NRK: variants seen among roughly 807,000 people sequenced by gnomAD.
NRK encodes Nik related kinase.
In NRK, 67 loss-of-function variants were observed where a neutral mutation model predicts 125.2. That is an observed-to-expected ratio of 0.54 (90% CI 0.44 to 0.66). NRK has a LOEUF of 0.66. Ranked by LOEUF, NRK falls within the 30% of genes least tolerant of loss-of-function variation. NRK has a pLI of 0.00. For missense variants in NRK, 1,224 were observed against 1,192.9 expected (o/e 1.03, Z -0.38); for synonymous variants, 458 against 429.0 (o/e 1.07, Z -0.84).
chrX:105,953,191 C>T lies in NRK; in HGVS notation c.4653+18C>T, dbSNP rs371401417. 8.4e-6 allele frequency: 9 copies of T among 1,069,546 alleles called. No individual in the cohort carries two copies. The highest frequency in any genetic ancestry group is 1.1e-5 in the Non-Finnish European group (9 of 811,242). The allele number at this position is 1,069,546 out of a possible 1,213,427, so 88.1% of individuals were successfully genotyped here. A position where few individuals can be genotyped will look rare whatever the true frequency, so the allele number is the denominator to read the frequency against. On this transcript the variant is annotated intron_variant, in intron 28 of 28. Transcript: ENST00000243300. ...GTGACAAGGTATAGCTTACACCCTC[C>T]AGTTACAGCAAAAATAACGCAACCA...
At position 105,909,049 on chromosome X, in the gene NRK, C is replaced by T. The variant is rs767323819; in HGVS notation, c.1408C>T (p.Arg470Ter). The change falls in exon 13 of 29, where the codon CGA becomes TGA. Residue 470 changes from arginine to a stop codon, truncating the protein, a stop_gained. Transcript: ENST00000243300. LOFTEE classifies it high-confidence loss of function. ...PLQMQIKAPP[R>*]LRRAARVLMP... ...ACAAATGCAGATTAAGGCACCTCCA[C>T]GACTACGGAGGGCAGCCAGGGTGCT... is the stretch of plus-strand genomic sequence containing the variant. 4.1e-6 allele frequency: 5 copies of T among 1,208,948 alleles called. No homozygotes were observed. The highest frequency in any genetic ancestry group is 3.0e-5 in the East Asian group (1 of 33,650).
chrX:105,905,380 C>T lies in NRK; in HGVS notation c.845+37C>T, dbSNP rs188353836. ...TGTCTTAATCTCCTAATTACATTGA[C>T]TTGACATTTTTATGTTAGCAAAGAA... On this transcript the variant is annotated intron_variant, in intron 10 of 28. Transcript: ENST00000243300. 3.1e-4 allele frequency: 304 copies of T among 988,577 alleles called. No homozygotes were observed. In the African/African-American group the frequency reaches 5.2e-3, roughly 17 times the overall value. The allele number at this position is 988,577 out of a possible 1,213,427, so 81.5% of individuals were successfully genotyped here.
intron 19 of NRK, among the ~76,000 whole-genome samples, chrX:105,933,095 A>AAAGG (rs2040615334): frequency 9.0e-6 from 1 of 111,224 alleles, no homozygotes; most frequent in African/African-American, 3.3e-5. Flanking sequence ...AGAAAGAAAA[A>AAAGG]AAGGAAGGAA....
intron 28 of NRK, 106 bp from the exon 29 acceptor site, chrX:105,955,399 G>A (rs1162664159): frequency 1.7e-5 from 8 of 457,837 alleles, no homozygotes; most frequent in Non-Finnish European, 3.0e-5. Flanking sequence ...AAAACAGTAA[G>A]GCTTAATATC....
chrX:105,825,372 A>G (rs2039078762), intron 1 of NRK, among the ~76,000 whole-genome samples: 1 of 112,329 alleles, frequency 8.9e-6, no homozygotes, highest in Non-Finnish European at 1.9e-5. Context: ...AAGTATACCA[A>G]TTTGGCAACA....
intron 2 of NRK, among the ~76,000 whole-genome samples, chrX:105,847,942 A>G (rs1412592095): frequency 8.9e-6 from 1 of 112,297 alleles, no homozygotes; most frequent in Non-Finnish European, 1.9e-5. Flanking sequence ...AAAACACATT[A>G]TGCAATGTAT....
chrX:105,909,081 A>G lies in NRK; in HGVS notation c.1440A>G (p.Pro480=). Residue 480 remains proline (P), a synonymous_variant, in exon 13 of 29, where the codon CCA becomes CCG. Transcript: ENST00000243300. ...RLRRAARVLM[P]LQAQVRAPRL... ...GGAGGGCAGCCAGGGTGCTCATGCC[A>G]CTACAGGCACAGGTTAGGGCACCTA... is the stretch of plus-strand genomic sequence containing the variant. 1.7e-6 allele frequency: 2 copies of G among 1,210,856 alleles called. No individual in the cohort carries two copies. Among genetic ancestry groups the G allele is most frequent in the Non-Finnish European group, 2.2e-6 (2 of 894,594 alleles).
chrX:105,843,747 T>G (rs1460365284), intron 2 of NRK, among the ~76,000 whole-genome samples: 1 of 111,301 alleles, frequency 9.0e-6, no homozygotes, highest in South Asian at 3.8e-4. Flanking sequence ...CTAGAACATG[T>G]GTAAATATTT....
At chrX:105,892,468 C>A (rs1016746000) in intron 5 of NRK, among the ~76,000 whole-genome samples, 1 of 111,657 alleles carries the variant, frequency 9.0e-6, no homozygotes, top group Non-Finnish European at 1.9e-5. Context: ...AGTGTACGTA[C>A]CAGGCACCAT....
At chrX:105,822,503 C>T (rs1020463465), upstream of NRK, 17 of 292,760 alleles carry the variant, frequency 5.8e-5, no homozygotes, top group Non-Finnish European at 1.0e-4. Context: ...GCACCGCCCC[C>T]CTCCCCACCC....
At position 105,908,760 on chromosome X, in the gene NRK, G is replaced by A. The variant is rs781202771; in HGVS notation, c.1119G>A (p.Leu373=). Residue 373 remains leucine, a synonymous_variant, in exon 13 of 29, where the codon TTG becomes TTA. Transcript: ENST00000243300. ...GPSCTHELLR[L]PTSSRCRPLR... ...CTTGCACTCACGAGCTTCTGAGATT[G>A]CCAACCAGCAGCAGATGCAGACCAC... The A allele has an allele frequency of 1.1e-5, 13 of 1,201,717 alleles. No individual in the cohort carries two copies. In the Admixed American group the frequency reaches 1.3e-4, roughly 12 times the overall value.
chrX:105,886,339 G>GAC (rs996559764), intron 4 of NRK, among the ~76,000 whole-genome samples: 1 of 105,741 alleles, frequency 9.5e-6, no homozygotes, highest in Non-Finnish European at 1.9e-5. Context: ...TTTTTTAAAT[G>GAC]ACACACACAC....
intron 10 of NRK, among the ~76,000 whole-genome samples, chrX:105,905,735 G>A (rs2147741946): frequency 8.9e-6 from 1 of 112,156 alleles, no homozygotes; most frequent in East Asian, 2.8e-4. Flanking sequence ...CAGAAGACTT[G>A]TTTTCCCAGG....
chrX:105,821,949 G>A (rs1362961926), upstream of NRK, among the ~76,000 whole-genome samples: 1 of 112,131 alleles, frequency 8.9e-6, no homozygotes, highest in Non-Finnish European at 1.9e-5. Context: ...GGCTTTGAAG[G>A]CCAAGCTGTG....
chrX:105,956,891 G>A lies in NRK; in HGVS notation c.*1291G>A, dbSNP rs769092789. 9.0e-6 allele frequency: 1 copy of A among 111,512 alleles called. No homozygotes were observed. Among genetic ancestry groups the A allele is most frequent in the African/African-American group, 3.3e-5 (1 of 30,569 alleles). The allele number at this position is 111,512 out of a possible 1,213,427, so 9.2% of individuals were successfully genotyped here. A position where few individuals can be genotyped will look rare whatever the true frequency, so the allele number is the denominator to read the frequency against. ...TCCTCAATACCATGGTAAATTCTGG[G>A]GCAATAGAGAAGCAACAGAACTGCC... On this transcript the variant is annotated 3_prime_UTR_variant, in exon 29 of 29. Transcript: ENST00000243300.
chrX:105,908,148 C>G, intron 11 of NRK, 92 bp from the exon 12 acceptor site: 1 of 510,976 alleles, frequency 2.0e-6, no homozygotes, highest in South Asian at 4.0e-5. Context: ...CACTCCACAT[C>G]CTAAGAAGCA....
At chrX:105,863,741 T>C (rs1361510028) in intron 2 of NRK, among the ~76,000 whole-genome samples, 1 of 112,305 alleles carries the variant, frequency 8.9e-6, no homozygotes, top group Non-Finnish European at 1.9e-5. Context: ...TTTTATACAT[T>C]TTGTATAAGA....
intron 2 of NRK, among the ~76,000 whole-genome samples, chrX:105,867,750 T>A (rs2039691069): frequency 8.9e-6 from 1 of 111,988 alleles, no homozygotes; most frequent in African/African-American, 3.2e-5. Context: ...AGCAGTAATT[T>A]ATGGCAATGA....
chrX:105,886,022 G>A (rs1292555453), intron 4 of NRK, among the ~76,000 whole-genome samples: 1 of 110,340 alleles, frequency 9.1e-6, no homozygotes, highest in Non-Finnish European at 1.9e-5. Context: ...TAATGCCTAT[G>A]GTAGGTGTTT....
Sources: gnomAD v4.1 joint callset for allele counts (sites outside exome capture counted in the v4.1 genomes callset) on GRCh38, gnomAD v4.1.1 for gene constraint, MANE v1.5 for transcripts, NCBI Gene and HGNC (gene_info 2026-07-23, HGNC 2026-07-21) for gene names.